Variants in BICRAL observed in about 807,000 individuals in gnomAD.
The protein encoded by BICRAL is BRD4-interacting chromatin-remodeling complex-associated protein-like.
In BICRAL, 8 loss-of-function variants were observed where a neutral mutation model predicts 91.8. That is an observed-to-expected ratio of 0.09 (90% confidence interval 0.05 to 0.16). The LOEUF is 0.16. BICRAL is among the 10% of genes least tolerant of loss of function. The probability of loss-of-function intolerance (pLI) is 1.00; values close to 1 mark genes in which losing one functional copy is unlikely to be tolerated. For missense variants in BICRAL, 1,038 were observed against 1,310.9 expected, an observed-to-expected ratio of 0.79 and a Z score of 3.21; for synonymous variants, 445 against 491.1, an observed-to-expected ratio of 0.91 and a Z score of 1.24.
chr6:42,782,824 G>C (rs1392206218), intron 1 of BICRAL, among the ~76,000 whole-genome samples: 1 of 152,140 alleles, frequency 6.6e-6, no homozygotes, highest in South Asian at 2.1e-4. Flanking sequence ...GGGGCAGGGA[G>C]GGCCTGGAGT....
chr6:42,855,020 C>G (rs2114023910), intron 8 of BICRAL, among the ~76,000 whole-genome samples: 1 of 152,268 alleles, frequency 6.6e-6, no homozygotes. Context: ...TTGAATGAAA[C>G]TTGCTGCAGT....
chr6:42,807,050 T>TC (rs1265751195), intron 1 of BICRAL, among the ~76,000 whole-genome samples: 1 of 151,690 alleles, frequency 6.6e-6, no homozygotes, highest in Admixed American at 6.6e-5. Flanking sequence ...AGGCTGGTCT[T>TC]GAACTCCTGA....
rs1368942252 is a variant in BICRAL at position 42,785,318 on chromosome 6, T to C, written c.-102+3217T>C. On this transcript the variant is annotated intron_variant, in intron 1 of 12. Coordinates refer to ENST00000314073, the MANE Select transcript of BICRAL (RefSeq NM_001393499.1). ...CTCATGCCTGTAATCCCAGCACTTT[T>C]GAGGCTGAGGCGGGCGGATTACCTG... is the stretch of plus-strand genomic sequence containing the variant. 5.3e-5 allele frequency among the ~76,000 whole-genome samples: 8 copies of C among 151,344 alleles called. No homozygotes were observed. In the East Asian group the frequency reaches 1.6e-3, roughly 30 times the overall value.
chr6:42,808,325 T>G (rs1331045766), intron 1 of BICRAL, among the ~76,000 whole-genome samples: 1 of 152,070 alleles, frequency 6.6e-6, no homozygotes, highest in Non-Finnish European at 1.5e-5. Flanking sequence ...GAGATGGGGT[T>G]TCTCCATGTT....
intron 6 of BICRAL, among the ~76,000 whole-genome samples, chr6:42,844,145 A>G (rs1764904313): frequency 6.6e-6 from 1 of 150,524 alleles, no homozygotes; most frequent in East Asian, 2.0e-4. Flanking sequence ...GAGGAAATGG[A>G]CCAAGGAGAG....
At chr6:42,748,240 T>C (rs1762319266) in intron 1 of BICRAL, among the ~76,000 whole-genome samples, 1 of 152,010 alleles carries the variant, frequency 6.6e-6, no homozygotes, top group Non-Finnish European at 1.5e-5. Context: ...TTTTATGAAA[T>C]GTTGATTTAA....
intron 5 of BICRAL, among the ~76,000 whole-genome samples, chr6:42,824,478 G>A (rs950646289): frequency 6.6e-6 from 1 of 152,014 alleles, no homozygotes; most frequent in African/African-American, 2.4e-5. Context: ...CCTAGTAGCT[G>A]GGATTACAGG....
At chr6:42,827,377 C>G (rs2113953642) in intron 5 of BICRAL, among the ~76,000 whole-genome samples, 1 of 152,296 alleles carries the variant, frequency 6.6e-6, no homozygotes, top group East Asian at 1.9e-4. Context: ...AGTAGCATTT[C>G]TGACATTCAT....
At chr6:42,856,898 C>G (rs1321162519) in intron 9 of BICRAL, among the ~76,000 whole-genome samples, 193 bp from the exon 10 acceptor site, 3 of 152,046 alleles carry the variant, frequency 2.0e-5, no homozygotes, top group Non-Finnish European at 4.4e-5. Context: ...CTTTTGAGGT[C>G]AGGGTCATAG....
intron 1 of BICRAL, among the ~76,000 whole-genome samples, chr6:42,755,671 CTTTT>C (rs1038106194): frequency 2.8e-5 from 4 of 140,644 alleles, no homozygotes; most frequent in Non-Finnish European, 4.7e-5. Flanking sequence ...TCACCTCTTT[CTTTT>C]TTTTTTTTTT....
chr6:42,748,931 C>T (rs1762333222), intron 1 of BICRAL, among the ~76,000 whole-genome samples: 1 of 152,072 alleles, frequency 6.6e-6, no homozygotes, highest in South Asian at 2.1e-4. Context: ...AGGTAAGTGC[C>T]TGTTTTGATG....
chr6:42,829,316 T>C lies in BICRAL; in HGVS notation c.983T>C (p.Val328Ala), dbSNP rs765922473. ...ATGGGTCAGCAAAATACATACAATG[T>C]GAACAATTTGGGAATTCAGCAGCAC... ...IQMGQQNTYN[V>A]NNLGIQQHHV... is the part of the protein sequence containing the mutation. Residue 328 changes from valine to alanine, a missense_variant, in exon 6 of 13, where the codon GTG (valine) becomes GCG (alanine). This residue lies in a region of BICRAL where 532 missense variants were observed against 724.9 expected (regional missense o/e 0.73). Coordinates refer to ENST00000314073, the MANE Select transcript of BICRAL (RefSeq NM_001393499.1). 18 of 1,614,030 alleles carry C rather than the reference T, an allele frequency of 1.1e-5. No individual in the cohort carries two copies. Among genetic ancestry groups the C allele is most frequent in the South Asian group, 2.2e-5 (2 of 91,090 alleles).
At chr6:42,772,858 T>A (rs1762756795) in intron 1 of BICRAL, among the ~76,000 whole-genome samples, 1 of 151,966 alleles carries the variant, frequency 6.6e-6, no homozygotes, top group Non-Finnish European at 1.5e-5. Context: ...TGGAAGTGAG[T>A]TTTGTAGGGA....
At chr6:42,815,113 A>G (rs762792919) in intron 2 of BICRAL, among the ~76,000 whole-genome samples, 3 of 148,340 alleles carry the variant, frequency 2.0e-5, no homozygotes, top group Non-Finnish European at 4.5e-5. Flanking sequence ...GAGTTTCACC[A>G]TGTTGGCCAG....
chr6:42,748,383 G>C (rs1350379470), intron 1 of BICRAL, among the ~76,000 whole-genome samples: 2 of 152,180 alleles, frequency 1.3e-5, no homozygotes, highest in African/African-American at 4.8e-5. Context: ...CTTGGAGGTT[G>C]CAGCTGGAGT....
At chr6:42,847,535 T>C (rs184589797) in intron 6 of BICRAL, among the ~76,000 whole-genome samples, 2 of 152,054 alleles carry the variant, frequency 1.3e-5, no homozygotes, top group East Asian at 3.9e-4. Context: ...CCCAGCACTT[T>C]GGGAGGCTGA....
chr6:42,794,411 C>CTGTGTGTG (rs67384767), intron 1 of BICRAL, among the ~76,000 whole-genome samples: 64 of 146,510 alleles, frequency 4.4e-4, no homozygotes, highest in Admixed American at 1.2e-3. Context: ...TTCACTTACT[C>CTGTGTGTG]TGTGTGTGTG....
chr6:42,809,664 T>C (rs1433088705), intron 1 of BICRAL, among the ~76,000 whole-genome samples: 1 of 151,876 alleles, frequency 6.6e-6, no homozygotes, highest in East Asian at 1.9e-4. Flanking sequence ...TTTGTAGAGA[T>C]GGGGTTTTGC....
At chr6:42,761,714 C>G (rs1026664327) in intron 1 of BICRAL, among the ~76,000 whole-genome samples, 1 of 151,666 alleles carries the variant, frequency 6.6e-6, no homozygotes, top group Non-Finnish European at 1.5e-5. Flanking sequence ...TCAAGACCAG[C>G]CTGGACAACA....
Sources: gnomAD v4.1 joint callset for allele counts (sites outside exome capture counted in the v4.1 genomes callset) on GRCh38, gnomAD v4.1.1 for gene constraint, gnomAD v4.1.1 regional missense constraint, MANE v1.5 for transcripts, NCBI Gene and HGNC (gene_info 2026-07-23, HGNC 2026-07-21) for gene names.